Variants in CFAP53 observed in about 807,000 individuals in gnomAD.
CFAP53 encodes the protein cilia and flagella associated protein 53.
CFAP53 carries 62 observed loss-of-function variants against 59.7 expected under a neutral mutation model. The ratio of observed to expected loss-of-function variants is 1.04; its 90% CI spans 0.85 to 1.28. The LOEUF is 1.28. Among genes scored for constraint, CFAP53 ranks in the 50% most tolerant of loss-of-function variants. The pLI is 0.00. For missense variants in CFAP53, 629 were observed against 615.6 expected (o/e 1.02, Z -0.23); for synonymous variants, 218 against 205.7 (o/e 1.06, Z -0.51).
At chr18:50,230,334 A>C (rs1451644520) in intron 7 of CFAP53, among the ~76,000 whole-genome samples, 1 of 152,154 alleles carries the variant, frequency 6.6e-6, no homozygotes, top group Middle Eastern at 3.2e-3. Flanking sequence ...AGCCCCACCC[A>C]CTGACCTCTT....
chr18:50,250,964 C>T lies in CFAP53; in HGVS notation c.790G>A (p.Ala264Thr), dbSNP rs182510616. ...TGTTCATTCTCATGTTTAATCTGTGCGTTGTTACTTTCCTAAGGTAGAATC... is the reference window on the plus strand; with the variant it reads ...TGTTCATTCTCATGTTTAATCTGTGTGTTGTTACTTTCCTAAGGTAGAATC... ...EEARLVESNNAQIKHENEQDM... is the reference protein window; with the variant it reads ...EEARLVESNNTQIKHENEQDM... Residue 264 changes from alanine (A) to threonine (T), a missense_variant, in exon 5 of 8, where the codon GCA becomes ACA. Ala to Thr is a moderately conservative substitution (Grantham distance 58). Transcript: ENST00000398545. The T allele has an allele frequency of 2.9e-5, 46 of 1,613,642 alleles. No individual in the cohort carries two copies. Among genetic ancestry groups the T allele is most frequent in the Middle Eastern group, 3.3e-4 (2 of 6,024 alleles).
intron 5 of CFAP53, among the ~76,000 whole-genome samples, chr18:50,250,526 A>C (rs2033787774): frequency 1.3e-5 from 2 of 152,104 alleles, no homozygotes; most frequent in Admixed American, 1.3e-4. Context: ...CACCTGGGGG[A>C]GTGTGCTGAA....
intron 7 of CFAP53, among the ~76,000 whole-genome samples, chr18:50,228,619 C>T (rs937160019): frequency 1.3e-5 from 2 of 151,708 alleles, no homozygotes; most frequent in South Asian, 2.1e-4. Flanking sequence ...GGAGAAACTC[C>T]GTCTCTACTA....
At chr18:50,244,384 G>A (rs890333925) in intron 5 of CFAP53, among the ~76,000 whole-genome samples, 14 of 152,112 alleles carry the variant, frequency 9.2e-5, no homozygotes, top group African/African-American at 2.9e-4. Context: ...CAAGTAAGAC[G>A]TGCCTTGCTT....
rs2033534271 is a variant in CFAP53 at position 50,227,406 on chromosome 18, G to GCCTT, written c.1516_1519dup (p.Ala507GlufsTer6). On this transcript the variant is annotated frameshift_variant, in exon 8 of 8. Coordinates refer to ENST00000398545, the MANE Select transcript of CFAP53 (RefSeq NM_145020.5). LOFTEE classifies it high-confidence loss of function. ...CTACGGTGGAAGCTTACTGGGGCAT[G>GCCTT]CCTTGCGCATGGGATGAATGTTTTG... 6.2e-7 allele frequency: 1 copy of GCCTT among 1,613,732 alleles called. No individual in the cohort carries two copies. Among genetic ancestry groups the GCCTT allele is most frequent in the Admixed American group, 1.7e-5 (1 of 60,012 alleles).
In CFAP53 at chr18:50,227,458, C is replaced by A; in HGVS notation, c.1468G>T (p.Val490Phe). The change falls in exon 8 of 8, where the codon GTC becomes TTC. Residue 490 changes from valine to phenylalanine, a missense_variant. By Grantham distance (50) the Val-to-Phe change is conservative. Coordinates refer to ENST00000398545, the MANE Select transcript of CFAP53 (RefSeq NM_145020.5). ...NKMCLDKVQE[V>F]LSTHQVLPQN... ...GGCAGCACTTGATGGGTGGACAGGA[C>A]CTCCTGGACCTTGTCCAAACACATC... 3 of 1,614,132 alleles carry A rather than the reference C, an allele frequency of 1.9e-6. No homozygotes were observed. The highest frequency in any genetic ancestry group is 8.5e-7 in the Non-Finnish European group (1 of 1,180,022).
chr18:50,249,596 G>A (rs1294485683), intron 5 of CFAP53, among the ~76,000 whole-genome samples: 1 of 152,064 alleles, frequency 6.6e-6, no homozygotes, highest in Admixed American at 6.6e-5. Context: ...TCTCCTGAGG[G>A]TTATGCTAAG....
intron 5 of CFAP53, among the ~76,000 whole-genome samples, chr18:50,244,999 G>T (rs1177427287): frequency 6.9e-6 from 1 of 144,494 alleles, no homozygotes; most frequent in Non-Finnish European, 1.5e-5. Flanking sequence ...GGAGGCAGAG[G>T]TTGCAGTGAG....
intron 7 of CFAP53, among the ~76,000 whole-genome samples, chr18:50,237,722 G>C (rs923075590): frequency 6.6e-6 from 1 of 152,074 alleles, no homozygotes; most frequent in African/African-American, 2.4e-5. Context: ...ACTGCAGGGA[G>C]GTAGCTGCCT....
chr18:50,252,051 A>G (rs142140652), intron 3 of CFAP53, among the ~76,000 whole-genome samples: 61 of 152,140 alleles, frequency 4.0e-4, no homozygotes, highest in African/African-American at 1.4e-3. Context: ...GTTAACCCCA[A>G]TGACTGACCT....
Position 50,250,752 on chromosome 18 carries a change from TCTTA to T in CFAP53, c.996+2_996+5del. Reference sequence around the variant, plus strand: ...GCAGGTAGCAGGCACCAAAAAAATGTCTTACTCTTTTTTGTTTCTTTTTATCTGC... The same window carrying T: ...GCAGGTAGCAGGCACCAAAAAAATGTCTCTTTTTTGTTTCTTTTTATCTGC... On this transcript the variant is annotated splice_donor_variant and splice_donor_5th_base_variant and intron_variant, in intron 5 of 7. Coordinates refer to ENST00000398545, the MANE Select transcript of CFAP53 (RefSeq NM_145020.5). LOFTEE classifies it high-confidence loss of function. 1 of 1,612,686 alleles carries T rather than the reference TCTTA, an allele frequency of 6.2e-7. No individual in the cohort carries two copies. The highest frequency in any genetic ancestry group is 2.2e-5 in the East Asian group (1 of 44,864).
At chr18:50,261,892 A>T (rs1599132977) in intron 2 of CFAP53, 98 bp downstream of exon 2, 2 of 836,874 alleles carry the variant, frequency 2.4e-6, no homozygotes, top group East Asian at 5.0e-5. Context: ...TAAACATCTC[A>T]GCCATGATCC....
chr18:50,238,265 G>GT (rs954598216), intron 7 of CFAP53, among the ~76,000 whole-genome samples: 1 of 151,998 alleles, frequency 6.6e-6, no homozygotes, highest in Non-Finnish European at 1.5e-5. Flanking sequence ...TTTAGTTTTT[G>GT]TTTTTTTGAG....
At chr18:50,239,169 C>A (rs2033665039) in intron 6 of CFAP53, among the ~76,000 whole-genome samples, 1 of 151,428 alleles carries the variant, frequency 6.6e-6, no homozygotes, top group Non-Finnish European at 1.5e-5. Flanking sequence ...AGGTGGGTCA[C>A]CTGAGGTCAG....
chr18:50,250,090 A>G (rs1225076014), intron 5 of CFAP53, among the ~76,000 whole-genome samples: 1 of 151,906 alleles, frequency 6.6e-6, no homozygotes, highest in African/African-American at 2.4e-5. Context: ...TAGGTGGTGG[A>G]TGTCTGTAGT....
chr18:50,261,903 T>C (rs1294237536), intron 2 of CFAP53, 87 bp downstream of exon 2: 1 of 984,384 alleles, frequency 1.0e-6, no homozygotes, highest in African/African-American at 1.6e-5. Context: ...GCCATGATCC[T>C]TGCTAAATTT....
intron 3 of CFAP53, 143 bp from the exon 4 acceptor site, chr18:50,251,927 G>C: frequency 2.7e-6 from 2 of 731,104 alleles, no homozygotes; most frequent in Non-Finnish European, 4.5e-6. Flanking sequence ...AAACAAGAGG[G>C]AGCAGCAGGG....
chr18:50,254,632 T>C (rs1295244326), intron 3 of CFAP53, among the ~76,000 whole-genome samples: 1 of 152,220 alleles, frequency 6.6e-6, no homozygotes, highest in African/African-American at 2.4e-5. Flanking sequence ...CTCACGCCTG[T>C]AATCTCAGCA....
chr18:50,250,141 C>A (rs1246618476), intron 5 of CFAP53, among the ~76,000 whole-genome samples: 3 of 150,834 alleles, frequency 2.0e-5, no homozygotes, highest in Non-Finnish European at 4.4e-5. Context: ...ATTGCTTGAG[C>A]CCAGGAGGGC....
Sources: gnomAD v4.1 joint callset for allele counts (sites outside exome capture counted in the v4.1 genomes callset) on GRCh38, gnomAD v4.1.1 for gene constraint, MANE v1.5 for transcripts, NCBI Gene and HGNC (gene_info 2026-07-23, HGNC 2026-07-21) for gene names.